CACNA1F: variants seen among roughly 807,000 people sequenced by gnomAD.
The protein encoded by CACNA1F is voltage-dependent L-type calcium channel subunit alpha-1F.
Under a neutral mutation model 143.8 loss-of-function variants are expected in CACNA1F, and 59 were observed. The ratio of observed to expected loss-of-function variants is 0.41; its 90% confidence interval spans 0.33 to 0.51. The LOEUF (loss-of-function observed/expected upper bound fraction) is 0.51. CACNA1F is among the 20% of genes least tolerant of loss of function. CACNA1F has a pLI of 0.22. For missense variants in CACNA1F, 1,411 were observed against 1,647.5 expected (o/e 0.86, Z 2.48); for synonymous variants, 643 against 649.1 (o/e 0.99, Z 0.14).
Position 49,224,866 on chromosome X carries a change from C to G in CACNA1F, c.1772G>C (p.Cys591Ser). Reference protein sequence around the residue: ...FFNRFDCFVVCGGILETTLVE... With the variant: ...FFNRFDCFVVSGGILETTLVE... ...CAAGGTGGTCTCTAGGATGCCCCCA[C>G]AGACCACAAAGCAGTCAAAGCGGTT... Residue 591 changes from cysteine (C) to serine (S), a missense_variant, in exon 14 of 48, where the codon TGT becomes TCT. Cys to Ser is a moderately radical substitution (Grantham distance 112, BLOSUM62 -1). This residue lies in a region of CACNA1F where 950 missense variants were observed against 1,128.1 expected (regional missense o/e 0.84). Coordinates refer to ENST00000323022, the MANE Select transcript of CACNA1F (RefSeq NM_001256789.3). The G allele has an allele frequency of 8.3e-7, 1 of 1,204,625 alleles. No individual in the cohort carries two copies. Among genetic ancestry groups the G allele is most frequent in the Non-Finnish European group, 1.1e-6 (1 of 890,004 alleles).
chrX:49,222,260 T>G (rs1314532239), intron 17 of CACNA1F: 1 of 385,230 alleles, frequency 2.6e-6, no homozygotes, highest in Non-Finnish European at 4.5e-6. Flanking sequence ...TTTCTTGCCT[T>G]CCTCAACTAG....
At chrX:49,209,490 A>C in intron 41 of CACNA1F, 97 bp from the exon 42 acceptor site, 6 of 1,121,576 alleles carry the variant, frequency 5.3e-6, no homozygotes, top group Non-Finnish European at 4.9e-6. Context: ...GGAGTCCTTC[A>C]GCCACCCTGG....
In CACNA1F at chrX:49,206,839, C is replaced by T. The variant is rs2065602555; in HGVS notation, c.5248G>A (p.Glu1750Lys). ...GAGCACGGGGGAGTCCCTGCCTGCTCATCTAGGTAGGAAAGCCTGTGTGGG... is the reference window on the plus strand; with the variant it reads ...GAGCACGGGGGAGTCCCTGCCTGCTTATCTAGGTAGGAAAGCCTGTGTGGG... The part of the protein sequence containing the change: ...EVPDRLSYLD[E>K]QAGTPPCSVL... The change falls in exon 45 of 48, where the codon GAG (glutamate) becomes AAG (lysine). Residue 1750 changes from glutamate to lysine, a missense_variant. Physicochemically the swap from Glu to Lys is moderately conservative, Grantham distance 56 (BLOSUM62 1). Coordinates refer to ENST00000323022, the MANE Select transcript of CACNA1F (RefSeq NM_001256789.3). 4 of 1,116,678 alleles carry T rather than the reference C, an allele frequency of 3.6e-6. No individual in the cohort carries two copies. Among genetic ancestry groups the T allele is most frequent in the South Asian group, 1.8e-5 (1 of 54,086 alleles). 92.0% of individuals were successfully genotyped at this position (1,116,678 alleles called of 1,213,427 possible).
intron 29 of CACNA1F, 22 bp downstream of exon 29, chrX:49,215,064 G>C: frequency 8.4e-7 from 1 of 1,193,332 alleles, no homozygotes; most frequent in South Asian, 1.8e-5. Context: ...AGTCTGGCGG[G>C]GGTCAGGCAG....
chrX:49,212,084 A>T, intron 34 of CACNA1F, 95 bp from the exon 35 acceptor site: 5 of 808,049 alleles, frequency 6.2e-6, no homozygotes, highest in Non-Finnish European at 9.4e-6. Flanking sequence ...ACCCTGACAA[A>T]CAGGGCATCA....
intron 31 of CACNA1F, among the ~76,000 whole-genome samples, 171 bp downstream of exon 31, chrX:49,213,648 T>A (rs1328566138): frequency 9.0e-6 from 1 of 111,369 alleles, no homozygotes; most frequent in African/African-American, 3.3e-5. Context: ...GGGGGACTTT[T>A]GCTGAACCCA....
rs782220645 is a variant in CACNA1F at position 49,208,119 on chromosome X, AC to A, written c.5123+395del. On this transcript the variant is annotated intron_variant, in intron 43 of 47. Transcript: ENST00000323022. ...AGGCTCAGGCAGGAGAATCGCTTGAACCCGGGAGGCAGAGGTTGCAGTGAGC... is the reference window on the plus strand; with the variant it reads ...AGGCTCAGGCAGGAGAATCGCTTGAACCGGGAGGCAGAGGTTGCAGTGAGC... Among the ~76,000 whole-genome samples, 5 of 104,371 alleles carry A rather than the reference AC, an allele frequency of 4.8e-5. No homozygotes were observed. In the South Asian group the frequency reaches 2.3e-3, roughly 48 times the overall value. 90.6% of individuals were successfully genotyped at this position (104,371 alleles called of 115,157 possible). A position where few individuals can be genotyped will look rare whatever the true frequency, so the allele number is the denominator to read the frequency against.
At chrX:49,228,985 G>A (rs781843085) in intron 6 of CACNA1F, among the ~76,000 whole-genome samples, 10 of 112,463 alleles carry the variant, frequency 8.9e-5, no homozygotes, top group African/African-American at 2.6e-4. Context: ...AAATCCTGGC[G>A]TGGAGTCTTG....
Position 49,215,353 on chromosome X carries a change from C to G in CACNA1F, c.3427G>C (p.Asp1143His). 2 of 1,210,365 alleles carry G rather than the reference C, an allele frequency of 1.7e-6. No homozygotes were observed. The highest frequency in any genetic ancestry group is 1.1e-6 in the Non-Finnish European group (1 of 894,748). ...GEQEYQNCEL[D>H]KNQRQCVEYA... ...GGGTCAGAGGTCACCTGGTTCTTGTCCAGCTCACAGTTTTGGTACTCCTGC... is the reference window on the plus strand; with the variant it reads ...GGGTCAGAGGTCACCTGGTTCTTGTGCAGCTCACAGTTTTGGTACTCCTGC... The change falls in exon 28 of 48, where the codon GAC becomes CAC. Residue 1143 changes from aspartate to histidine, a missense_variant. Transcript: ENST00000323022.
Position 49,211,498 on chromosome X carries a change from A to G in CACNA1F, c.4101-17T>C, listed in dbSNP as rs1366722915. On this transcript the variant is annotated splice_polypyrimidine_tract_variant and intron_variant, in intron 35 of 47. Coordinates refer to ENST00000323022, the MANE Select transcript of CACNA1F (RefSeq NM_001256789.3). ...GTGGCACACCTGGTGGGAGTCACAC[A>G]GGGGTAGCATCCTGAAGGGGAGGCT... 3 of 1,194,942 alleles carry G rather than the reference A, an allele frequency of 2.5e-6. No homozygotes were observed. The highest frequency in any genetic ancestry group is 3.4e-6 in the Non-Finnish European group (3 of 881,619).
rs782033587 is a variant in CACNA1F, at chrX:49,210,812, G to A, written c.4389-126C>T. ...GAGCTTGCCAGGGAAGAACTGGAGGGCAGTCAGAGAGGGCAGAGGATGGGG... is the reference window on the plus strand; with the variant it reads ...GAGCTTGCCAGGGAAGAACTGGAGGACAGTCAGAGAGGGCAGAGGATGGGG... On this transcript the variant is annotated intron_variant, in intron 37 of 47. Coordinates refer to ENST00000323022, the MANE Select transcript of CACNA1F (RefSeq NM_001256789.3). 354 of 842,526 alleles carry A rather than the reference G, an allele frequency of 4.2e-4. 1 individual carries two copies. In the African/African-American group the frequency reaches 5.9e-3, roughly 14 times the overall value. The allele number at this position is 842,526 out of a possible 1,213,427, so 69.4% of individuals were successfully genotyped here.
intron 34 of CACNA1F, 62 bp downstream of exon 34, chrX:49,212,178 ATTC>A: frequency 2.0e-6 from 2 of 1,018,827 alleles, no homozygotes; most frequent in South Asian, 1.9e-5. Context: ...CTTTGGGGCT[ATTC>A]TTAACCCATC....
rs2065577707 is a variant in CACNA1F at position 49,205,091 on chromosome X, A to G, written c.*46T>C. On this transcript the variant is annotated 3_prime_UTR_variant, in exon 48 of 48. Coordinates refer to ENST00000323022, the MANE Select transcript of CACNA1F (RefSeq NM_001256789.3). Reference sequence around the variant, plus strand: ...GGTCCATGCCTGCCTCCTGCTGGGGAGGGGAGGGCAGGAGGTTTATTGAGC... The same window carrying G: ...GGTCCATGCCTGCCTCCTGCTGGGGGGGGGAGGGCAGGAGGTTTATTGAGC... 1 of 928,109 alleles carries G rather than the reference A, an allele frequency of 1.1e-6. No homozygotes were observed. The highest frequency in any genetic ancestry group is 1.9e-5 in the African/African-American group (1 of 51,757). The allele number at this position is 928,109 out of a possible 1,213,427, so 76.5% of individuals were successfully genotyped here.
chrX:49,218,989 G>C, intron 21 of CACNA1F, 48 bp from the exon 22 acceptor site: 1 of 1,026,840 alleles, frequency 9.7e-7, no homozygotes, highest in Non-Finnish European at 1.4e-6. Flanking sequence ...GGCTGAGGGG[G>C]ATCCTAGGTG....
chrX:49,219,671 C>A lies in CACNA1F; in HGVS notation c.2506G>T (p.Glu836Ter). ...CTGAGGCAGAAGAAGGCGCTGCCCT[C>A]AGGGATGGGTACCACCTTCTCCTTG... ...VPKEKVVPIP[E>*]GSAFFCLSQT... Residue 836 changes from glutamate to a stop codon, truncating the protein, a stop_gained, in exon 20 of 48, where the codon GAG (glutamate) becomes TAG (stop). Transcript: ENST00000323022. LOFTEE classifies it high-confidence loss of function. 8.3e-7 allele frequency: 1 copy of A among 1,205,928 alleles called. No individual in the cohort carries two copies. Among genetic ancestry groups the A allele is most frequent in the East Asian group, 3.0e-5 (1 of 33,556 alleles).
rs782776454 is a variant in CACNA1F at position 49,225,976 on chromosome X, G to A, written c.1584C>T (p.Val528=). The A allele has an allele frequency of 1.7e-6, 2 of 1,173,081 alleles. No individual in the cohort carries two copies. The highest frequency in any genetic ancestry group is 3.8e-5 in the South Asian group (2 of 53,031). The change falls in exon 13 of 48, where the codon GTC becomes GTT. Residue 528 remains valine (V), a synonymous_variant. Transcript: ENST00000323022. ...NACYWAVLLL[V]FLNTLTIASE... is the part of the protein sequence containing the mutation. ...AGGCGATGGTCAACGTGTTGAGGAA[G>A]ACGAGCAACAGCACAGCCCAGTAGC...
intron 1 of CACNA1F, among the ~76,000 whole-genome samples, chrX:49,233,031 T>C (rs1291681714): frequency 1.8e-5 from 2 of 109,717 alleles, no homozygotes; most frequent in Admixed American, 2.0e-4. Context: ...GAGCCAGGAT[T>C]GAGGTTGGGT....
intron 27 of CACNA1F, 64 bp downstream of exon 27, chrX:49,216,318 C>T: frequency 8.7e-7 from 1 of 1,147,126 alleles, no homozygotes; most frequent in Non-Finnish European, 1.2e-6. Context: ...CCCAGGAGAT[C>T]CCAACCCAAT....
chrX:49,230,633 G>C, intron 4 of CACNA1F, 24 bp from the exon 5 acceptor site: 1 of 1,156,960 alleles, frequency 8.6e-7, no homozygotes, highest in East Asian at 3.2e-5. Context: ...ACCGGGCAGG[G>C]AGGCGGAGGT....
Sources: gnomAD v4.1 joint callset for allele counts (sites outside exome capture counted in the v4.1 genomes callset) on GRCh38, gnomAD v4.1.1 for gene constraint, gnomAD v4.1.1 regional missense constraint, MANE v1.5 for transcripts, NCBI Gene and HGNC (gene_info 2026-07-23, HGNC 2026-07-21) for gene names.